The following L3MBTL4 variants were observed in gnomAD, a reference collection of about 807,000 sequenced individuals.
L3MBTL4 encodes the protein L3MBTL histone methyl-lysine binding protein 4.
In L3MBTL4, 70 loss-of-function variants were observed where a neutral mutation model predicts 84.5. The observed-to-expected ratio is 0.83, with a 90% CI of 0.68 to 1.01. L3MBTL4 has a LOEUF of 1.01. L3MBTL4 is among the 50% of genes least tolerant of loss of function. L3MBTL4 has a pLI of 0.00. For missense variants in L3MBTL4, 715 were observed against 754.8 expected (o/e 0.95, Z 0.62); for synonymous variants, 274 against 259.8 (o/e 1.05, Z -0.52).
At chr18:6,318,241 C>G (rs1323446554) in intron 1 of L3MBTL4, among the ~76,000 whole-genome samples, 3 of 151,812 alleles carry the variant, frequency 2.0e-5, no homozygotes, top group Admixed American at 6.6e-5. Flanking sequence ...ATGACTGGAA[C>G]AGTACCTCAC....
chr18:6,280,643 A>T (rs999708169), intron 4 of L3MBTL4, among the ~76,000 whole-genome samples: 3 of 152,232 alleles, frequency 2.0e-5, no homozygotes, highest in Non-Finnish European at 2.9e-5. Context: ...ATTATCTGAC[A>T]TGGCAAAATA....
intron 1 of L3MBTL4, among the ~76,000 whole-genome samples, chr18:6,403,364 C>T (rs914859874): frequency 1.3e-5 from 2 of 152,112 alleles, no homozygotes; most frequent in Admixed American, 1.3e-4. Flanking sequence ...TCATGGAACC[C>T]AATGCTGTTC....
At chr18:6,069,996 C>G (rs1311109371) in intron 16 of L3MBTL4, among the ~76,000 whole-genome samples, 2 of 151,962 alleles carry the variant, frequency 1.3e-5, no homozygotes, top group East Asian at 3.9e-4. Context: ...AAATAGGCCA[C>G]TAGAAAAATA....
At chr18:6,209,363 C>T (rs536898868) in intron 12 of L3MBTL4, among the ~76,000 whole-genome samples, 13 of 150,012 alleles carry the variant, frequency 8.7e-5, no homozygotes, top group African/African-American at 1.7e-4. Context: ...TTCTCTTAGC[C>T]GGGATATTAT....
rs1399275375 is a variant in L3MBTL4 at position 6,046,743 on chromosome 18, G to T, written c.1444+34138C>A. 4 of 775,814 alleles carry T rather than the reference G, an allele frequency of 5.2e-6. No individual in the cohort carries two copies. The Admixed American group carries it at 6.9e-5, about 13-fold the overall frequency. 48.1% of individuals were successfully genotyped at this position (775,814 alleles called of 1,614,324 possible). ...TACAACTTACCCAAACCTCTGGGAT[G>T]CAGCACAAGCACTGTGAAGAGAAAA... On this transcript the variant is annotated intron_variant, in intron 16 of 18. Transcript: ENST00000317931.
At chr18:6,110,753 A>G (rs898098689) in intron 14 of L3MBTL4, among the ~76,000 whole-genome samples, 1 of 152,088 alleles carries the variant, frequency 6.6e-6, no homozygotes, top group Non-Finnish European at 1.5e-5. Flanking sequence ...CAGAGAGGAC[A>G]TGGTCAATGA....
intron 5 of L3MBTL4, among the ~76,000 whole-genome samples, chr18:6,250,682 C>T (rs894861663): frequency 6.6e-6 from 1 of 152,176 alleles, no homozygotes; most frequent in African/African-American, 2.4e-5. Flanking sequence ...CCGAGGCACA[C>T]ATTTTAACAT....
chr18:6,238,070 C>T (rs776717175), intron 9 of L3MBTL4, 30 bp from the exon 10 acceptor site: 139 of 1,580,910 alleles, frequency 8.8e-5, no homozygotes, highest in Non-Finnish European at 1.2e-4. Context: ...TATTACGTTC[C>T]GTTTTACTTC....
At chr18:6,208,663 T>C (rs968654013) in intron 12 of L3MBTL4, among the ~76,000 whole-genome samples, 1 of 152,220 alleles carries the variant, frequency 6.6e-6, no homozygotes, top group African/African-American at 2.4e-5. Flanking sequence ...CCATCTACTG[T>C]AATTTAATGT....
chr18:6,129,396 G>A (rs2059806668), intron 14 of L3MBTL4, among the ~76,000 whole-genome samples: 1 of 151,814 alleles, frequency 6.6e-6, no homozygotes, highest in Non-Finnish European at 1.5e-5. Context: ...GTGTGTGTGT[G>A]TGTGTGTGTG....
chr18:6,406,391 GT>G (rs2055735549), intron 1 of L3MBTL4, among the ~76,000 whole-genome samples: 1 of 151,616 alleles, frequency 6.6e-6, no homozygotes, highest in Non-Finnish European at 1.5e-5. Flanking sequence ...GAGAAAAGGA[GT>G]TTTGAATTGA....
Position 6,213,221 on chromosome 18 carries a change from T to A in L3MBTL4, c.909A>T (p.Glu303Asp). The A allele has an allele frequency of 6.2e-7, 1 of 1,610,818 alleles. No individual in the cohort carries two copies. Among genetic ancestry groups the A allele is most frequent in the Admixed American group, 1.7e-5 (1 of 59,468 alleles). The change falls in exon 12 of 19, where the codon GAA becomes GAT. Residue 303 changes from glutamate to aspartate, a missense_variant. By Grantham distance (45) the Glu-to-Asp change is conservative. Transcript: ENST00000317931. Reference sequence around the variant, plus strand: ...ACCTGGGGTTCCGTTTATCCACAACTTCAAGTTTCATATTTGGCAGAAAAC... The same window carrying A: ...ACCTGGGGTTCCGTTTATCCACAACATCAAGTTTCATATTTGGCAGAAAAC... ...PHGFLPNMKL[E>D]VVDKRNPRLI... is the part of the protein sequence containing the mutation.
At chr18:6,236,156 T>G (rs2047207599) in intron 10 of L3MBTL4, among the ~76,000 whole-genome samples, 1 of 152,124 alleles carries the variant, frequency 6.6e-6, no homozygotes, top group Non-Finnish European at 1.5e-5. Flanking sequence ...AAAAGAACGG[T>G]GCTGGAGGAC....
In L3MBTL4 at chr18:5,954,978, A is replaced by G. The variant is rs770790313; in HGVS notation, c.*1242T>C. The G allele has an allele frequency of 2.6e-5, 4 of 152,234 alleles. No homozygotes were observed. Among genetic ancestry groups the G allele is most frequent in the East Asian group, 1.9e-4 (1 of 5,198 alleles). 9.4% of individuals were successfully genotyped at this position (152,234 alleles called of 1,614,324 possible). A position where few individuals can be genotyped will look rare whatever the true frequency, so the allele number is the denominator to read the frequency against. On this transcript the variant is annotated 3_prime_UTR_variant, in exon 19 of 19. Coordinates refer to ENST00000317931, the MANE Select transcript of L3MBTL4 (RefSeq NM_001330559.2). ...AAGCTTGAGAAATTCTCCAAGCAGA[A>G]TCAACTTTCTTAAACCTTAACATTC...
chr18:6,411,331 A>G (rs2055955411), intron 1 of L3MBTL4, among the ~76,000 whole-genome samples: 1 of 152,324 alleles, frequency 6.6e-6, no homozygotes. Flanking sequence ...ACTATCCTCA[A>G]AATATTTTTG....
chr18:6,373,656 C>A (rs978268222), intron 1 of L3MBTL4, among the ~76,000 whole-genome samples: 1 of 152,016 alleles, frequency 6.6e-6, no homozygotes, highest in East Asian at 1.9e-4. Context: ...GATTATGCAC[C>A]GTACAAAATA....
chr18:6,317,849 G>C (rs893325292), intron 1 of L3MBTL4, among the ~76,000 whole-genome samples: 12 of 152,222 alleles, frequency 7.9e-5, no homozygotes, highest in African/African-American at 2.9e-4. Flanking sequence ...AGAGCAGTGA[G>C]ACAAAATGCA....
intron 1 of L3MBTL4, among the ~76,000 whole-genome samples, chr18:6,332,816 T>A (rs928112672): frequency 2.6e-5 from 4 of 152,374 alleles, no homozygotes; most frequent in African/African-American, 9.6e-5. Flanking sequence ...TTCAGCCATT[T>A]CTGTTTTTTG....
At chr18:6,306,906 T>G (rs2050610638) in intron 3 of L3MBTL4, among the ~76,000 whole-genome samples, 1 of 152,132 alleles carries the variant, frequency 6.6e-6, no homozygotes, top group Non-Finnish European at 1.5e-5. Flanking sequence ...AACCTGAATC[T>G]CCTGACCCAT....
Sources: allele counts gnomAD v4.1 joint callset (sites outside exome capture counted in the v4.1 genomes callset), GRCh38; gene constraint gnomAD v4.1.1; transcripts MANE v1.5; gene names NCBI Gene and HGNC (gene_info 2026-07-23, HGNC 2026-07-21).